PLEKHG7: variants seen among roughly 807,000 people sequenced by gnomAD.
PLEKHG7 encodes the protein pleckstrin homology and RhoGEF domain containing G7.
A neutral mutation model predicts 85.2 loss-of-function variants in PLEKHG7; 77 were observed. That is an observed-to-expected ratio of 0.90 (90% CI 0.75 to 1.09). The LOEUF (loss-of-function observed/expected upper bound fraction) is 1.09. Ranked by LOEUF, PLEKHG7 falls within the 50% of genes least tolerant of loss-of-function variation. The pLI is 0.00. For synonymous variants in PLEKHG7, 301 were observed against 302.4 expected (o/e 1.00, Z 0.05); for missense variants, 777 against 804.3 (o/e 0.97, Z 0.41).
intron 13 of PLEKHG7, among the ~76,000 whole-genome samples, chr12:92,757,641 C>T (rs954682499): frequency 1.4e-4 from 22 of 152,010 alleles, no homozygotes; most frequent in Admixed American, 1.4e-3. Context: ...GCTTTTAATC[C>T]CTTGTTATAG....
chr12:92,741,559 C>T lies in PLEKHG7; in HGVS notation c.1104C>T (p.Ser368=). The T allele has an allele frequency of 1.2e-6, 2 of 1,613,140 alleles. No homozygotes were observed. Among genetic ancestry groups the T allele is most frequent in the Non-Finnish European group, 1.7e-6 (2 of 1,179,584 alleles). ...ACTATGTAGACGCTTCTGAGATTTC[C>T]TCATCACTGGATTTTATTTCCGTGC... ...IKDYVDASEI[S]SSLDFISVLT... The change falls in exon 9 of 17, where the codon TCC becomes TCT. Residue 368 remains serine, a synonymous_variant. Transcript: ENST00000344636.
intron 3 of PLEKHG7, among the ~76,000 whole-genome samples, chr12:92,717,186 C>G (rs748798552): frequency 6.6e-6 from 1 of 152,198 alleles, no homozygotes; most frequent in Non-Finnish European, 1.5e-5. Context: ...GACTAACCTT[C>G]CAATGCTCAA....
At position 92,764,176 on chromosome 12, in the gene PLEKHG7, G is replaced by C. The variant is rs895268539; in HGVS notation, c.1852G>C (p.Glu618Gln). 2.6e-5 allele frequency: 42 copies of C among 1,606,130 alleles called. 2 individuals are homozygous for C. The highest frequency in any genetic ancestry group is 8.5e-7 in the Non-Finnish European group (1 of 1,175,930). ...PLDRLVVKSI[E>Q]PLHVSVFGLR... ...AGATAGATTGGTAGTCAAAAGTATT[G>C]AACCACTCCATGTGTCAGGTATGTG... The change falls in exon 15 of 17, where the codon GAA becomes CAA. Residue 618 changes from glutamate to glutamine, a missense_variant. Physicochemically the swap from Glu to Gln is conservative, Grantham distance 29. Transcript: ENST00000344636.
In PLEKHG7 at chr12:92,748,530, G is replaced by A. The variant is rs930289382; in HGVS notation, c.1251+2939G>A. 2.6e-5 allele frequency among the ~76,000 whole-genome samples: 4 copies of A among 151,920 alleles called. No individual in the cohort carries two copies. The South Asian group carries it at 8.3e-4, about 31-fold the overall frequency. ...CCCACAGTGCTGGGATTACAGACGT[G>A]AGCCACCGCACCCAGCTCACATGAT... On this transcript the variant is annotated intron_variant, in intron 10 of 16. Transcript: ENST00000344636.
chr12:92,744,320 G>A (rs1328961660), intron 9 of PLEKHG7, among the ~76,000 whole-genome samples: 1 of 152,154 alleles, frequency 6.6e-6, no homozygotes, highest in Non-Finnish European at 1.5e-5. Flanking sequence ...AGACACTATG[G>A]AATCCTGAAG....
Position 92,745,594 on chromosome 12 carries a change from A to AAAGT in PLEKHG7, c.1251+5_1251+8dup, listed in dbSNP as rs766460424. 6.3e-7 allele frequency: 1 copy of AAAGT among 1,594,368 alleles called. No individual in the cohort carries two copies. Among genetic ancestry groups the AAAGT allele is most frequent in the South Asian group, 1.1e-5 (1 of 90,544 alleles). ...ATGACTTTGGAATTTATTTAAAAGT[A>AAAGT]AAGTATCATTTTCTTTTCTTTTGTA... On this transcript the variant is annotated splice_donor_region_variant and intron_variant, in intron 10 of 16. Transcript: ENST00000344636.
chr12:92,746,625 G>A lies in PLEKHG7; in HGVS notation c.1251+1034G>A, dbSNP rs1283039233. The stretch of plus-strand genomic sequence containing the variant: ...ACTCTTAGCTAGGCCCCCAAACTGG[G>A]AGAATCCAGGTTCCTTTCTCTCCCT... On this transcript the variant is annotated intron_variant, in intron 10 of 16. Coordinates refer to ENST00000344636, the MANE Select transcript of PLEKHG7 (RefSeq NM_001377329.1). Among the ~76,000 whole-genome samples the A allele has an allele frequency of 3.9e-5, 6 of 152,184 alleles. No individual in the cohort carries two copies. The East Asian group carries it at 1.2e-3, about 29-fold the overall frequency.
In PLEKHG7 at chr12:92,707,060, G is replaced by A. The variant is rs1871255338; in HGVS notation, c.429G>A (p.Gly143=). Residue 143 remains glycine (G), a synonymous_variant, in exon 2 of 17, where the codon GGG becomes GGA. Transcript: ENST00000344636. ...CTGAGCTTCAGCCTGTCAATGAAGG[G>A]TCCCTTCACCAGGCCTCTCTTCGGC... The part of the protein sequence containing the change: ...LPPELQPVNE[G]SLHQASLRQQ... The A allele has an allele frequency of 1.9e-6, 3 of 1,614,066 alleles. No homozygotes were observed. Among genetic ancestry groups the A allele is most frequent in the Non-Finnish European group, 2.5e-6 (3 of 1,180,020 alleles).
intron 7 of PLEKHG7, among the ~76,000 whole-genome samples, chr12:92,738,360 G>C (rs1401664973): frequency 1.3e-5 from 2 of 152,174 alleles, no homozygotes; most frequent in East Asian, 1.9e-4. Context: ...CCGCACTTTT[G>C]CATCCTGGTG....
In PLEKHG7 at chr12:92,755,866, A is replaced by G. The variant is rs1309289988; in HGVS notation, c.1468A>G (p.Lys490Glu). ...GKVKWLDNFQ[K>E]FRYLQEIIVW... ...AGTGAAGTGGCTGGACAATTTCCAA[A>G]AATTTAGATATCTACAGGAGATTAT... Residue 490 changes from lysine to glutamate, a missense_variant, in exon 12 of 17, where the codon AAA (lysine) becomes GAA (glutamate). Lys to Glu is a moderately conservative substitution (Grantham distance 56). Around this residue, in one of 3 missense-constraint regions of PLEKHG7, gnomAD observed 520 missense variants for 544.0 expected, o/e 0.96. Coordinates refer to ENST00000344636, the MANE Select transcript of PLEKHG7 (RefSeq NM_001377329.1). 3.1e-6 allele frequency: 5 copies of G among 1,613,698 alleles called. No homozygotes were observed. Among genetic ancestry groups the G allele is most frequent in the Non-Finnish European group, 3.4e-6 (4 of 1,179,860 alleles).
chr12:92,744,640 G>A (rs1227717819), intron 9 of PLEKHG7, among the ~76,000 whole-genome samples: 1 of 151,184 alleles, frequency 6.6e-6, no homozygotes, highest in Admixed American at 6.6e-5. Flanking sequence ...ATGCTGAGTA[G>A]AGATGTCCCA....
At chr12:92,745,662 T>A in intron 10 of PLEKHG7, 71 bp downstream of exon 10, 1 of 971,646 alleles carries the variant, frequency 1.0e-6, no homozygotes, top group Non-Finnish European at 1.6e-6. Context: ...CTGGGAATGA[T>A]TATATCTAAA....
chr12:92,745,210 A>G (rs1323274910), intron 9 of PLEKHG7, among the ~76,000 whole-genome samples: 1 of 152,232 alleles, frequency 6.6e-6, no homozygotes, highest in African/African-American at 2.4e-5. Flanking sequence ...AAGACAGCCT[A>G]AATAGAATTT....
chr12:92,749,901 T>TATTTC (rs1319599655), intron 10 of PLEKHG7, among the ~76,000 whole-genome samples: 5 of 110,766 alleles, frequency 4.5e-5, no homozygotes, highest in African/African-American at 1.4e-4. Flanking sequence ...TATTTTATTT[T>TATTTC]ATTTCATTTA....
intron 3 of PLEKHG7, among the ~76,000 whole-genome samples, chr12:92,709,125 G>A (rs1413133947): frequency 6.6e-6 from 1 of 152,206 alleles, no homozygotes; most frequent in Non-Finnish European, 1.5e-5. Context: ...ATGGATGTCA[G>A]ATATACCTGG....
At chr12:92,731,855 T>C (rs1872002447) in intron 4 of PLEKHG7, among the ~76,000 whole-genome samples, 1 of 152,170 alleles carries the variant, frequency 6.6e-6, no homozygotes, top group African/African-American at 2.4e-5. Flanking sequence ...GGTGTGAAAA[T>C]GAAGGGCCTG....
At position 92,768,970 on chromosome 12, in the gene PLEKHG7, T is replaced by C. The variant is rs895386468; in HGVS notation, c.1871-13T>C. 1 of 1,529,188 alleles carries C rather than the reference T, an allele frequency of 6.5e-7. No individual in the cohort carries two copies. The highest frequency in any genetic ancestry group is 9.0e-7 in the Non-Finnish European group (1 of 1,117,038). 94.7% of individuals were successfully genotyped at this position (1,529,188 alleles called of 1,614,324 possible). A position where few individuals can be genotyped will look rare whatever the true frequency, so the allele number is the denominator to read the frequency against. Reference sequence around the variant, plus strand: ...ATGATTTGGCTTTTTGTCTTTGTAATATCTTTTTCTAGTCTTTGGGCTGAG... The same window carrying C: ...ATGATTTGGCTTTTTGTCTTTGTAACATCTTTTTCTAGTCTTTGGGCTGAG... On this transcript the variant is annotated splice_polypyrimidine_tract_variant and intron_variant, in intron 15 of 16. Coordinates refer to ENST00000344636, the MANE Select transcript of PLEKHG7 (RefSeq NM_001377329.1).
At chr12:92,765,220 G>A (rs1873156827) in intron 15 of PLEKHG7, among the ~76,000 whole-genome samples, 1 of 151,918 alleles carries the variant, frequency 6.6e-6, no homozygotes, top group Non-Finnish European at 1.5e-5. Flanking sequence ...GGGTGCAGTG[G>A]CTCATACTAT....
Position 92,732,148 on chromosome 12 carries a change from A to C in PLEKHG7, c.659-85A>C, listed in dbSNP as rs1260959817. On this transcript the variant is annotated intron_variant, in intron 4 of 16. Coordinates refer to ENST00000344636, the MANE Select transcript of PLEKHG7 (RefSeq NM_001377329.1). ...GAATTCTGTTTGGCTAATTTTCAAA[A>C]AGCAGGTTTTGTAAAGCACTACGAT... 3.8e-6 allele frequency: 3 copies of C among 790,168 alleles called. No individual in the cohort carries two copies. In the East Asian group the frequency reaches 1.0e-4, roughly 27 times the overall value. The allele number at this position is 790,168 out of a possible 1,614,324, so 48.9% of individuals were successfully genotyped here.
Sources: allele counts gnomAD v4.1 joint callset (sites outside exome capture counted in the v4.1 genomes callset), GRCh38; gene constraint gnomAD v4.1.1; regional missense constraint gnomAD v4.1.1; transcripts MANE v1.5; gene names NCBI Gene and HGNC (gene_info 2026-07-23, HGNC 2026-07-21).